PTBP3: variants seen among roughly 807,000 people sequenced by gnomAD.
PTBP3 encodes polypyrimidine tract binding protein 3.
PTBP3 carries 20 observed loss-of-function variants against 58.7 expected under a neutral mutation model. The ratio of observed to expected loss-of-function variants is 0.34; its 90% confidence interval spans 0.24 to 0.50. The LOEUF is 0.50. PTBP3 is among the 20% of genes least tolerant of loss of function. The probability of loss-of-function intolerance (pLI) is 0.98; values close to 1 mark genes in which losing one functional copy is unlikely to be tolerated. For synonymous variants in PTBP3, 185 were observed against 219.8 expected (o/e 0.84, Z 1.40); for missense variants, 509 against 637.2 (o/e 0.80, Z 2.17).
intron 1 of PTBP3, chr9:112,332,977 C>T: frequency 7.1e-7 from 1 of 1,406,382 alleles, no homozygotes; most frequent in African/African-American, 1.5e-5. Flanking sequence ...AGGTCGCCGC[C>T]CAGACGTGTA....
chr9:112,301,740 C>A (rs1459194779), intron 1 of PTBP3, among the ~76,000 whole-genome samples: 3 of 152,098 alleles, frequency 2.0e-5, no homozygotes, highest in Non-Finnish European at 4.4e-5. Context: ...TATATACAGG[C>A]ACTGTCCCAA....
rs1834812106 is a variant in PTBP3 at position 112,221,659 on chromosome 9, A to C, written c.*2192T>G. The C allele has an allele frequency of 2.0e-6, 2 of 985,012 alleles. No homozygotes were observed. The highest frequency in any genetic ancestry group is 2.3e-4 in the East Asian group (2 of 8,820). 61.0% of individuals were successfully genotyped at this position (985,012 alleles called of 1,614,324 possible). A position where few individuals can be genotyped will look rare whatever the true frequency, so the allele number is the denominator to read the frequency against. ...TAAGTAAAAAAACAAAAAACTAAAA[A>C]CTCCCACAACTACATACATGAGTAT... On this transcript the variant is annotated 3_prime_UTR_variant, in exon 14 of 14. Transcript: ENST00000374257.
At chr9:112,229,884 T>C (rs1421655235) in intron 10 of PTBP3, among the ~76,000 whole-genome samples, 2 of 152,190 alleles carry the variant, frequency 1.3e-5, no homozygotes, top group African/African-American at 2.4e-5. Context: ...AGTGAGAAAT[T>C]AACTACTTTT....
the PTBP3 span, among the ~76,000 whole-genome samples, chr9:112,357,797 A>C: frequency 6.6e-6 from 1 of 151,870 alleles, no homozygotes; most frequent in Non-Finnish European, 1.5e-5. Context: ...TTGACTTCTT[A>C]TTCACCTTGG....
the PTBP3 span, among the ~76,000 whole-genome samples, chr9:112,345,295 G>T: frequency 1.5e-5 from 2 of 132,578 alleles, no homozygotes; most frequent in Admixed American, 8.7e-5. Flanking sequence ...TTGTGATTGT[G>T]TGCCATTGTA....
chr9:112,320,291 A>AAAAAAAATATATATATATAT (rs1411646280), intron 1 of PTBP3, among the ~76,000 whole-genome samples: 31 of 73,512 alleles, frequency 4.2e-4, no homozygotes, highest in African/African-American at 2.5e-3. Context: ...AAAAAAAAAA[A>AAAAAAAATATATATATATAT]ATATATATAT....
Position 112,221,375 on chromosome 9 carries a change from TACATTC to T in PTBP3, c.*2470_*2475del. On this transcript the variant is annotated 3_prime_UTR_variant, in exon 14 of 14. Coordinates refer to ENST00000374257, the MANE Select transcript of PTBP3 (RefSeq NM_001163788.4). ...AAAAGGCCATTCCCTACTTCAAAGT[TACATTC>T]AACACCACTATGATCCCCTTCCGTT... 1.0e-6 allele frequency: 1 copy of T among 985,832 alleles called. No homozygotes were observed. The highest frequency in any genetic ancestry group is 4.7e-5 in the South Asian group (1 of 21,286). 61.1% of individuals were successfully genotyped at this position (985,832 alleles called of 1,614,324 possible). A position where few individuals can be genotyped will look rare whatever the true frequency, so the allele number is the denominator to read the frequency against.
the PTBP3 span, among the ~76,000 whole-genome samples, chr9:112,346,349 T>A: frequency 6.6e-6 from 1 of 151,834 alleles, no homozygotes; most frequent in East Asian, 1.9e-4. Flanking sequence ...GTATTTTTAG[T>A]AGAGGTGGCA....
intron 1 of PTBP3, among the ~76,000 whole-genome samples, chr9:112,310,523 A>G (rs1370079040): frequency 6.6e-6 from 1 of 152,234 alleles, no homozygotes; most frequent in Non-Finnish European, 1.5e-5. Flanking sequence ...AACAAATTCG[A>G]TAAATATTTA....
At chr9:112,285,830 TAAG>T (rs1165871205) in intron 2 of PTBP3, among the ~76,000 whole-genome samples, 1 of 152,218 alleles carries the variant, frequency 6.6e-6, no homozygotes, top group Non-Finnish European at 1.5e-5. Context: ...GGCCCACAGG[TAAG>T]AACTTGCCAA....
upstream of PTBP3, among the ~76,000 whole-genome samples, chr9:112,334,439 A>C (rs368986791): frequency 2.0e-5 from 3 of 152,290 alleles, no homozygotes; most frequent in East Asian, 5.8e-4. Context: ...AAACGTTTGC[A>C]CCAGAGCCCT....
intron 7 of PTBP3, among the ~76,000 whole-genome samples, chr9:112,247,310 A>ATAAC (rs1835924365): frequency 6.9e-6 from 1 of 144,060 alleles, no homozygotes; most frequent in African/African-American, 2.5e-5. Flanking sequence ...AAATAAATAA[A>ATAAC]TAACAATAGT....
chr9:112,332,978 C>G, intron 1 of PTBP3: 2 of 1,354,732 alleles, frequency 1.5e-6, no homozygotes, highest in Non-Finnish European at 1.9e-6. Flanking sequence ...GGTCGCCGCC[C>G]AGACGTGTAC....
chr9:112,368,441 G>C, the PTBP3 span, among the ~76,000 whole-genome samples: 6 of 152,260 alleles, frequency 3.9e-5, no homozygotes, highest in Non-Finnish European at 7.4e-5. Flanking sequence ...AAAGTGCTGG[G>C]ATTACAGGTG....
At chr9:112,279,934 T>C (rs1018103085) in intron 2 of PTBP3, among the ~76,000 whole-genome samples, 1 of 152,244 alleles carries the variant, frequency 6.6e-6, no homozygotes, top group Non-Finnish European at 1.5e-5. Context: ...TTTGTCATAA[T>C]TAATAATTGA....
chr9:112,279,976 C>G (rs1170927576), intron 2 of PTBP3, among the ~76,000 whole-genome samples: 1 of 152,094 alleles, frequency 6.6e-6, no homozygotes, highest in Non-Finnish European at 1.5e-5. Context: ...ACTTTGATAT[C>G]TTGATCTTAT....
At chr9:112,270,108 G>A (rs75320797) in intron 3 of PTBP3, among the ~76,000 whole-genome samples, 1,769 of 152,036 alleles carry the variant, frequency 0.012, 26 homozygotes, top group African/African-American at 0.031. Flanking sequence ...CCACGATCCC[G>A]GCTAATTTTT....
chr9:112,257,676 A>G (rs372006622), intron 5 of PTBP3, among the ~76,000 whole-genome samples: 2 of 152,212 alleles, frequency 1.3e-5, no homozygotes, highest in East Asian at 1.9e-4. Flanking sequence ...GCAGTGGCTC[A>G]TGCCTGTAAT....
At chr9:112,240,596 A>ACTT (rs1589811243) in intron 7 of PTBP3, among the ~76,000 whole-genome samples, 1 of 151,470 alleles carries the variant, frequency 6.6e-6, no homozygotes, top group East Asian at 1.9e-4. Context: ...TTTATTATAT[A>ACTT]GTATATACTA....
Sources: allele counts gnomAD v4.1 joint callset (sites outside exome capture counted in the v4.1 genomes callset), GRCh38; gene constraint gnomAD v4.1.1; transcripts MANE v1.5; gene names NCBI Gene and HGNC (gene_info 2026-07-23, HGNC 2026-07-21).